WDFY3: variants seen among roughly 807,000 people sequenced by gnomAD.
WDFY3 encodes the protein WD repeat and FYVE domain-containing protein 3.
Under a neutral mutation model 409.6 loss-of-function variants are expected in WDFY3, and 66 were observed. The observed-to-expected ratio is 0.16, with a 90% confidence interval of 0.13 to 0.20. The LOEUF is 0.20. Ranked by LOEUF, WDFY3 falls within the 10% of genes least tolerant of loss-of-function variation. The pLI is 1.00. For missense variants in WDFY3, 3,031 were observed against 4,298.1 expected (o/e 0.71, Z 8.24); for synonymous variants, 1,521 against 1,537.1 (o/e 0.99, Z 0.25).
chr4:84,715,136 A>T (rs1457464957), intron 50 of WDFY3, among the ~76,000 whole-genome samples, 162 bp downstream of exon 50: 1 of 152,188 alleles, frequency 6.6e-6, no homozygotes, highest in Non-Finnish European at 1.5e-5. Flanking sequence ...TAAAAGTCAG[A>T]AGAATAATTG....
intron 2 of WDFY3, among the ~76,000 whole-genome samples, chr4:84,931,100 T>G (rs375174572): frequency 6.6e-6 from 1 of 152,188 alleles, no homozygotes; most frequent in Non-Finnish European, 1.5e-5. Flanking sequence ...ATAGTATACA[T>G]AGGGTTCCCT....
intron 14 of WDFY3, chr4:84,809,587 GA>G (rs916504493): frequency 1.1e-4 from 26 of 242,310 alleles, no homozygotes; most frequent in East Asian, 1.8e-4. Context: ...AGGCTAAAAA[GA>G]AAAAAAACAA....
intron 51 of WDFY3, among the ~76,000 whole-genome samples, chr4:84,711,222 C>T (rs1012321534): frequency 2.0e-5 from 3 of 152,138 alleles, no homozygotes; most frequent in Admixed American, 6.5e-5. Context: ...TAGAAGGCCT[C>T]GCTAAGATGA....
intron 3 of WDFY3, among the ~76,000 whole-genome samples, chr4:84,866,528 T>G (rs1761418881): frequency 6.6e-6 from 1 of 152,226 alleles, no homozygotes; most frequent in Non-Finnish European, 1.5e-5. Context: ...GTGCCCTGGA[T>G]GGGCTGTGGG....
rs1372215879 is a variant in WDFY3, at chr4:84,803,409, G to A, written c.2488C>T (p.Leu830=). The A allele has an allele frequency of 4.3e-6, 7 of 1,614,058 alleles. No homozygotes were observed. Among genetic ancestry groups the A allele is most frequent in the Non-Finnish European group, 5.9e-6 (7 of 1,179,996 alleles). Residue 830 remains leucine (L), a synonymous_variant, in exon 16 of 68, where the codon CTG becomes TTG. Coordinates refer to ENST00000295888, the MANE Select transcript of WDFY3 (RefSeq NM_014991.6). ...GATGAAGTTGTCACATGTAGTTTCA[G>A]GTCGGCAACATTTTTAGGAGGGTAA... The part of the protein sequence containing the change: ...PVYPPKNVAD[L]KLHVTTSSLQ...
At chr4:84,939,950 T>C (rs1771902902) in intron 1 of WDFY3, among the ~76,000 whole-genome samples, 2 of 152,114 alleles carry the variant, frequency 1.3e-5, no homozygotes, top group Non-Finnish European at 2.9e-5. Context: ...CAAATACACA[T>C]ACAAATTTAT....
intron 36 of WDFY3, among the ~76,000 whole-genome samples, chr4:84,744,058 CATT>C (rs925966462): frequency 4.1e-5 from 6 of 147,836 alleles, no homozygotes; most frequent in African/African-American, 1.2e-4. Context: ...GTATTCTAAA[CATT>C]ATATTTATTA....
At chr4:84,881,799 C>T (rs779855263) in intron 3 of WDFY3, among the ~76,000 whole-genome samples, 3 of 151,724 alleles carry the variant, frequency 2.0e-5, no homozygotes, top group Non-Finnish European at 4.4e-5. Flanking sequence ...ATCGCTTGAT[C>T]CCAAGCGGTG....
At position 84,963,879 on chromosome 4, in the gene WDFY3, G is replaced by A. The variant is rs1256635955; in HGVS notation, c.-226+2330C>T. 4.6e-5 allele frequency among the ~76,000 whole-genome samples: 7 copies of A among 152,308 alleles called. No individual in the cohort carries two copies. In the East Asian group the frequency reaches 1.4e-3, roughly 29 times the overall value. The stretch of plus-strand genomic sequence containing the variant: ...ATTAATATTTTCCTTCGATTTAAAT[G>A]AGAATGTGTTAGAAACAACGTCTAT... On this transcript the variant is annotated intron_variant, in intron 1 of 67. Coordinates refer to ENST00000295888, the MANE Select transcript of WDFY3 (RefSeq NM_014991.6).
At chr4:84,727,324 G>T (rs572797706) in intron 44 of WDFY3, among the ~76,000 whole-genome samples, 1 of 152,088 alleles carries the variant, frequency 6.6e-6, no homozygotes, top group East Asian at 1.9e-4. Flanking sequence ...TTTCCCTGGG[G>T]TTATCCCTAA....
chr4:84,836,865 A>G, intron 7 of WDFY3, 64 bp downstream of exon 7: 1 of 1,299,056 alleles, frequency 7.7e-7, no homozygotes, highest in African/African-American at 1.5e-5. Flanking sequence ...TAAAACATCT[A>G]TTTAGGAAGT....
chr4:84,843,632 C>T (rs1258471727), intron 5 of WDFY3, among the ~76,000 whole-genome samples: 1 of 152,136 alleles, frequency 6.6e-6, no homozygotes, highest in Non-Finnish European at 1.5e-5. Context: ...CTCCTGAATT[C>T]AAGTGATCCT....
At chr4:84,766,649 GA>G (rs1188700893) in intron 30 of WDFY3, among the ~76,000 whole-genome samples, 1 of 152,136 alleles carries the variant, frequency 6.6e-6, no homozygotes, top group Non-Finnish European at 1.5e-5. Context: ...CCAGTAGGGG[GA>G]AAGTCATCAA....
At chr4:84,895,746 T>C (rs1472496719) in intron 3 of WDFY3, among the ~76,000 whole-genome samples, 1 of 152,062 alleles carries the variant, frequency 6.6e-6, no homozygotes, top group Non-Finnish European at 1.5e-5. Flanking sequence ...TGGGGCACAG[T>C]GGTATGAGAG....
chr4:84,962,801 G>A (rs1775078343), intron 1 of WDFY3, among the ~76,000 whole-genome samples: 1 of 151,362 alleles, frequency 6.6e-6, no homozygotes. Flanking sequence ...AGCCTCCCGA[G>A]CATCTGGGAC....
intron 10 of WDFY3, among the ~76,000 whole-genome samples, chr4:84,823,035 C>T (rs1055884583): frequency 3.9e-5 from 6 of 152,014 alleles, no homozygotes; most frequent in African/African-American, 1.4e-4. Flanking sequence ...CTTAGAATAG[C>T]CAATATGATT....
intron 3 of WDFY3, among the ~76,000 whole-genome samples, chr4:84,870,742 A>T (rs566019965): frequency 1.3e-5 from 2 of 152,228 alleles, no homozygotes; most frequent in South Asian, 2.1e-4. Context: ...GGAAGGGAAA[A>T]GGAAGAATAA....
intron 16 of WDFY3, 84 bp from the exon 17 acceptor site, chr4:84,801,948 TA>T: frequency 7.2e-7 from 1 of 1,380,302 alleles, no homozygotes; most frequent in Admixed American, 2.3e-5. Context: ...CATACCTTTT[TA>T]ATTTTTTTTT....
intron 1 of WDFY3, chr4:84,965,615 C>T (rs67624868): frequency 0.29 from 44,376 of 152,174 alleles, 6,614 homozygotes; most frequent in Admixed American, 0.33. Context: ...ACCACATCCC[C>T]AGTACAAGAG....
Sources: allele counts gnomAD v4.1 joint callset (sites outside exome capture counted in the v4.1 genomes callset), GRCh38; gene constraint gnomAD v4.1.1; transcripts MANE v1.5; gene names NCBI Gene and HGNC (gene_info 2026-07-23, HGNC 2026-07-21).